GSE1: variants seen among roughly 807,000 people sequenced by gnomAD.
GSE1 encodes the protein genetic suppressor element 1.
In GSE1, 32 loss-of-function variants were observed where a neutral mutation model predicts 112.6. That is an observed-to-expected ratio of 0.28 (90% CI 0.21 to 0.38). The LOEUF is 0.38. Among genes scored for constraint, GSE1 ranks in the 10% least tolerant of loss-of-function variants. The pLI, the probability that GSE1 is intolerant of heterozygous loss-of-function variation, is 1.00. For synonymous variants in GSE1, 1,115 were observed against 735.6 expected (o/e 1.52, Z -8.35); for missense variants, 2,348 against 1,699.2 (o/e 1.38, Z -6.71).
intron 2 of GSE1, among the ~76,000 whole-genome samples, chr16:85,634,451 G>A (rs2049817794): frequency 6.6e-6 from 1 of 152,178 alleles, no homozygotes; most frequent in South Asian, 2.1e-4. Flanking sequence ...GGGTGCCCTG[G>A]ACCAGGGGAG....
In GSE1 at chr16:85,675,379, T is replaced by C. The variant is rs899813296; in HGVS notation, c.*2840T>C. 1.3e-5 allele frequency: 2 copies of C among 152,232 alleles called. No individual in the cohort carries two copies. The highest frequency in any genetic ancestry group is 1.9e-4 in the East Asian group (1 of 5,194). The allele number at this position is 152,232 out of a possible 1,614,324, so 9.4% of individuals were successfully genotyped here. A position where few individuals can be genotyped will look rare whatever the true frequency, so the allele number is the denominator to read the frequency against. ...TGAAACAAGTTATTTTTGCTTCATA[T>C]AGTCAGAGTCAGACTGACATGATAA... On this transcript the variant is annotated 3_prime_UTR_variant, in exon 16 of 16. Coordinates refer to ENST00000253458, the MANE Select transcript of GSE1 (RefSeq NM_014615.5).
chr16:85,275,337 G>A (rs1909250602), intron 1 of GSE1, among the ~76,000 whole-genome samples: 1 of 152,220 alleles, frequency 6.6e-6, no homozygotes, highest in African/African-American at 2.4e-5. Flanking sequence ...GGCAGGCAGG[G>A]GACAGAAGCC....
At chr16:85,307,599 C>A (rs768029017) in intron 1 of GSE1, among the ~76,000 whole-genome samples, 1 of 48,870 alleles carries the variant, frequency 2.0e-5, no homozygotes, top group African/African-American at 1.5e-4. Context: ...ATGACAACAG[C>A]GTGTGATGGC....
chr16:85,422,722 G>A (rs372818070), intron 2 of GSE1, among the ~76,000 whole-genome samples: 9 of 152,300 alleles, frequency 5.9e-5, no homozygotes, highest in African/African-American at 1.4e-4. Flanking sequence ...TGCAGAAGCC[G>A]CTTGGGGACT....
intron 2 of GSE1, among the ~76,000 whole-genome samples, chr16:85,416,591 C>T (rs1226557096): frequency 6.6e-6 from 1 of 152,244 alleles, no homozygotes; most frequent in African/African-American, 2.4e-5. Flanking sequence ...GCCTGCCAGA[C>T]TTTCAGGGGC....
At chr16:85,235,392 A>C (rs185648495) in intron 1 of GSE1, among the ~76,000 whole-genome samples, 1,699 of 134,500 alleles carry the variant, frequency 0.013, 29 homozygotes, top group African/African-American at 0.045. Flanking sequence ...TCCAGACCGC[A>C]GCGGGGGGTG....
At chr16:85,665,535 G>C (rs538178696) in intron 12 of GSE1, among the ~76,000 whole-genome samples, 5 of 152,154 alleles carry the variant, frequency 3.3e-5, no homozygotes, top group African/African-American at 1.2e-4. Flanking sequence ...CCTGCTCTTT[G>C]TCTTCCTCAC....
intron 5 of GSE1, 27 bp downstream of exon 5, chr16:85,655,018 G>A (rs553420464): frequency 1.1e-5 from 15 of 1,411,084 alleles, no homozygotes; most frequent in East Asian, 7.0e-5. Flanking sequence ...GCGCCCTCTC[G>A]TCTAGGTGCT....
intron 1 of GSE1, among the ~76,000 whole-genome samples, chr16:85,629,898 G>A (rs374325138): frequency 5.1e-4 from 78 of 152,326 alleles, no homozygotes; most frequent in Middle Eastern, 3.4e-3. Context: ...ACTGTCCGCA[G>A]CTCAGTGGCT....
chr16:85,207,178 G>A (rs1418708441), intron 1 of GSE1, among the ~76,000 whole-genome samples: 1 of 152,150 alleles, frequency 6.6e-6, no homozygotes, highest in African/African-American at 2.4e-5. Flanking sequence ...ATGTGGAGCC[G>A]AATCTGGGAC....
chr16:85,280,306 C>G (rs1328847214), intron 1 of GSE1, among the ~76,000 whole-genome samples: 1 of 152,196 alleles, frequency 6.6e-6, no homozygotes, highest in African/African-American at 2.4e-5. Flanking sequence ...GCTTCTCTGG[C>G]CAAGGCCCCA....
chr16:85,313,595 C>G (rs113540505), intron 1 of GSE1, among the ~76,000 whole-genome samples: 59 of 152,246 alleles, frequency 3.9e-4, no homozygotes, highest in African/African-American at 1.1e-3. Flanking sequence ...CCTGCTAGTG[C>G]CCCTGGGACA....
chr16:85,258,881 A>T (rs1415589273), intron 1 of GSE1, among the ~76,000 whole-genome samples: 2 of 152,052 alleles, frequency 1.3e-5, no homozygotes, highest in Non-Finnish European at 2.9e-5. Context: ...TTGTTCTGCC[A>T]ACCTCCCCCC....
chr16:85,175,767 G>C (rs1432663224), intron 1 of GSE1, among the ~76,000 whole-genome samples: 1 of 152,198 alleles, frequency 6.6e-6, no homozygotes, highest in Admixed American at 6.5e-5. Context: ...CACCCTCCAG[G>C]AGGCGTGCAC....
intron 1 of GSE1, among the ~76,000 whole-genome samples, chr16:85,193,891 C>T (rs1179750006): frequency 6.6e-6 from 1 of 152,358 alleles, no homozygotes; most frequent in Non-Finnish European, 1.5e-5. Context: ...TACAATGCCA[C>T]AGTCAGGGCA....
At chr16:85,445,719 C>A (rs1036670973) in intron 2 of GSE1, among the ~76,000 whole-genome samples, 1 of 152,220 alleles carries the variant, frequency 6.6e-6, no homozygotes. Flanking sequence ...GCAGCAGCAG[C>A]CCTCTCCTGG....
chr16:85,605,959 T>C (rs1392245175), intron 1 of GSE1, among the ~76,000 whole-genome samples: 2 of 152,164 alleles, frequency 1.3e-5, no homozygotes, highest in East Asian at 3.9e-4. Flanking sequence ...CTCTGATTGC[T>C]GCCAGTGAAC....
chr16:85,408,690 G>A (rs371218128), intron 2 of GSE1, among the ~76,000 whole-genome samples: 3 of 58,812 alleles, frequency 5.1e-5, no homozygotes, highest in Admixed American at 2.8e-4. Context: ...AGGGCCCCCC[G>A]GATAATCCTC....
At chr16:85,248,379 T>TC (rs1906095566) in intron 1 of GSE1, among the ~76,000 whole-genome samples, 1 of 152,106 alleles carries the variant, frequency 6.6e-6, no homozygotes, top group African/African-American at 2.4e-5. Flanking sequence ...TGTCTATCTC[T>TC]CCCCTTTTTT....
Sources: gnomAD v4.1 joint callset for allele counts (sites outside exome capture counted in the v4.1 genomes callset) on GRCh38, gnomAD v4.1.1 for gene constraint, MANE v1.5 for transcripts, NCBI Gene and HGNC (gene_info 2026-07-23, HGNC 2026-07-21) for gene names.